Variants in FAM174B observed in about 807,000 individuals in gnomAD.
The protein encoded by FAM174B is membrane protein FAM174B.
In FAM174B, 12 loss-of-function variants were observed where a neutral mutation model predicts 10.9. That is an observed-to-expected ratio of 1.10 (90% CI 0.71 to 1.79). The LOEUF (loss-of-function observed/expected upper bound fraction) is 1.79. Among genes scored for constraint, FAM174B ranks in the 40% most tolerant of loss-of-function variants. The pLI is 0.00. For synonymous variants in FAM174B, 132 were observed against 115.8 expected (o/e 1.14, Z -0.90); for missense variants, 266 against 233.3 (o/e 1.14, Z -0.91).
At chr15:92,632,538 C>T (rs1427976640) in intron 1 of FAM174B, among the ~76,000 whole-genome samples, 1 of 152,150 alleles carries the variant, frequency 6.6e-6, no homozygotes, top group Non-Finnish European at 1.5e-5. Context: ...AAGACAGGGT[C>T]GCATTCTATC....
Position 92,626,678 on chromosome 15 carries a change from C to T in FAM174B, c.476+3536G>A, listed in dbSNP as rs374690194. Among the ~76,000 whole-genome samples the T allele has an allele frequency of 2.0e-5, 3 of 152,162 alleles. No individual in the cohort carries two copies. The East Asian group carries it at 5.8e-4, about 29-fold the overall frequency. ...ACTTATACAGAGGGATTTGCAGGGT[C>T]CTGAGTTTCTGCCTAGAATAGGGGC... is the stretch of plus-strand genomic sequence containing the variant. On this transcript the variant is annotated intron_variant, in intron 2 of 2. Coordinates refer to ENST00000327355, the MANE Select transcript of FAM174B (RefSeq NM_207446.3).
rs34916013 is a variant in FAM174B, at chr15:92,618,840, T to TAAA, written c.*613_*615dup. 7.8e-4 allele frequency: 113 copies of TAAA among 144,100 alleles called. No homozygotes were observed. In the Middle Eastern group the frequency reaches 0.015, roughly 19 times the overall value. 8.9% of individuals were successfully genotyped at this position (144,100 alleles called of 1,614,324 possible). On this transcript the variant is annotated 3_prime_UTR_variant, in exon 3 of 3. Coordinates refer to ENST00000327355, the MANE Select transcript of FAM174B (RefSeq NM_207446.3). ...ATTTCTGCTGAACCTTTTTTTTTTT[T>TAAA]AAAAAAAAAAAAAAAGGAAGAAAGA... is the stretch of plus-strand genomic sequence containing the variant.
intron 2 of FAM174B, among the ~76,000 whole-genome samples, chr15:92,626,319 C>T (rs1596294850): frequency 6.6e-6 from 1 of 152,050 alleles, no homozygotes; most frequent in Non-Finnish European, 1.5e-5. Context: ...AGGATGGTCT[C>T]GATCTCCTGA....
chr15:92,637,759 C>G (rs1443954979), intron 1 of FAM174B, among the ~76,000 whole-genome samples: 2 of 152,122 alleles, frequency 1.3e-5, no homozygotes, highest in Non-Finnish European at 2.9e-5. Context: ...TGCCATGAGC[C>G]TGAGGCAAAG....
At chr15:92,653,350 A>G (rs540042844) in intron 1 of FAM174B, 4 of 152,384 alleles carry the variant, frequency 2.6e-5, no homozygotes, top group East Asian at 1.9e-4. Flanking sequence ...CCTGAGTAAT[A>G]AACAGCAGAC....
rs1317448335 is a variant in FAM174B, at chr15:92,651,386, C to T, written c.344+3930G>A. 6.6e-5 allele frequency among the ~76,000 whole-genome samples: 10 copies of T among 152,344 alleles called. No homozygotes were observed. The East Asian group carries it at 1.9e-3, about 29-fold the overall frequency. ...ACAGGGATACTCAACATACACACATCATAACTACATGCTTCTGGATTGTAA... is the reference window on the plus strand; with the variant it reads ...ACAGGGATACTCAACATACACACATTATAACTACATGCTTCTGGATTGTAA... On this transcript the variant is annotated intron_variant, in intron 1 of 2. Coordinates refer to ENST00000327355, the MANE Select transcript of FAM174B (RefSeq NM_207446.3).
At chr15:92,620,814 C>CAAA (rs34607670) in intron 2 of FAM174B, among the ~76,000 whole-genome samples, 872 of 71,068 alleles carry the variant, frequency 0.012, 43 homozygotes, top group African/African-American at 0.027. Flanking sequence ...GACTCTGTCT[C>CAAA]AAAAAAAAAA....
intron 2 of FAM174B, among the ~76,000 whole-genome samples, chr15:92,626,670 T>C (rs1321326650): frequency 6.6e-6 from 1 of 152,058 alleles, no homozygotes; most frequent in Non-Finnish European, 1.5e-5. Context: ...CAGAGGGATT[T>C]GCAGGGTCCT....
At chr15:92,652,345 A>C (rs929861123) in intron 1 of FAM174B, among the ~76,000 whole-genome samples, 1 of 152,196 alleles carries the variant, frequency 6.6e-6, no homozygotes, top group East Asian at 1.9e-4. Context: ...CTGACCACGC[A>C]GTCTTAGTGA....
intron 1 of FAM174B, among the ~76,000 whole-genome samples, chr15:92,650,154 T>G (rs2050956599): frequency 6.6e-6 from 1 of 152,238 alleles, no homozygotes; most frequent in Admixed American, 6.5e-5. Flanking sequence ...TTTTATATTT[T>G]CTTTTAAATA....
At chr15:92,641,266 G>C (rs937792530) in intron 1 of FAM174B, among the ~76,000 whole-genome samples, 1 of 152,220 alleles carries the variant, frequency 6.6e-6, no homozygotes, top group Non-Finnish European at 1.5e-5. Context: ...TTACTTGTTT[G>C]TGGACATGTA....
At chr15:92,623,328 C>T (rs1184560696) in intron 2 of FAM174B, among the ~76,000 whole-genome samples, 6 of 152,158 alleles carry the variant, frequency 3.9e-5, no homozygotes, top group African/African-American at 1.2e-4. Flanking sequence ...AGGCCTCTCT[C>T]GGCCCCCTTC....
rs987590660 is a variant in FAM174B, at chr15:92,618,357, T to C, written c.*1099A>G. The stretch of plus-strand genomic sequence containing the variant: ...TCTCCAGAAGCCAGCAGCAGATCCC[T>C]GGGTCATGTCACAGGCAAGTCCTCA... On this transcript the variant is annotated 3_prime_UTR_variant, in exon 3 of 3. Coordinates refer to ENST00000327355, the MANE Select transcript of FAM174B (RefSeq NM_207446.3). 3.9e-5 allele frequency: 6 copies of C among 152,690 alleles called. No homozygotes were observed. The highest frequency in any genetic ancestry group is 1.3e-4 in the Admixed American group (2 of 15,272). The allele number at this position is 152,690 out of a possible 1,614,324, so 9.5% of individuals were successfully genotyped here.
chr15:92,636,046 A>G (rs1313016320), intron 1 of FAM174B, among the ~76,000 whole-genome samples: 1 of 152,206 alleles, frequency 6.6e-6, no homozygotes, highest in Non-Finnish European at 1.5e-5. Context: ...TCAGAGAGAG[A>G]GAAAACGTGA....
chr15:92,644,679 C>A (rs543645906), intron 1 of FAM174B, among the ~76,000 whole-genome samples: 1 of 152,332 alleles, frequency 6.6e-6, no homozygotes, highest in South Asian at 2.1e-4. Flanking sequence ...TGCCCCAAGG[C>A]CTTGTAGACA....
chr15:92,619,730 C>T (rs1318085625), intron 2 of FAM174B: 8 of 530,678 alleles, frequency 1.5e-5, no homozygotes, highest in Non-Finnish European at 2.0e-5. Context: ...TATCCCTCTC[C>T]TTGCCAGCAC....
intron 1 of FAM174B, among the ~76,000 whole-genome samples, chr15:92,636,618 C>G (rs1172838464): frequency 6.7e-6 from 1 of 148,174 alleles, no homozygotes; most frequent in Non-Finnish European, 1.5e-5. Context: ...CTGAAATGTG[C>G]CGCGGAGATA....
intron 1 of FAM174B, among the ~76,000 whole-genome samples, chr15:92,637,647 T>G (rs1040413013): frequency 6.6e-6 from 1 of 152,184 alleles, no homozygotes; most frequent in Non-Finnish European, 1.5e-5. Context: ...ATAGAAACAA[T>G]GAACCACACA....
intron 2 of FAM174B, among the ~76,000 whole-genome samples, chr15:92,621,544 G>A (rs2050719370): frequency 6.6e-6 from 1 of 151,136 alleles, no homozygotes; most frequent in Admixed American, 6.6e-5. Flanking sequence ...CTGGGAAGTT[G>A]AGGCTACATT....
Sources: allele counts gnomAD v4.1 joint callset (sites outside exome capture counted in the v4.1 genomes callset), GRCh38; gene constraint gnomAD v4.1.1; transcripts MANE v1.5; gene names NCBI Gene and HGNC (gene_info 2026-07-23, HGNC 2026-07-21).